TENM2: variants seen among roughly 807,000 people sequenced by gnomAD.
The protein encoded by TENM2 is teneurin transmembrane protein 2, also known as teneurin-2.
A neutral mutation model predicts 245.2 loss-of-function variants in TENM2; 52 were observed. That is an observed-to-expected ratio of 0.21 (90% CI 0.17 to 0.27). The LOEUF is 0.27. Among genes scored for constraint, TENM2 ranks in the 10% least tolerant of loss-of-function variants. The pLI is 1.00. For synonymous variants in TENM2, 1,363 were observed against 1,438.9 expected (o/e 0.95, Z 1.19); for missense variants, 3,046 against 3,666.8 (o/e 0.83, Z 4.37).
intron 5 of TENM2, among the ~76,000 whole-genome samples, chr5:167,998,694 ATT>A (rs1784227522): frequency 6.6e-6 from 1 of 152,120 alleles, no homozygotes; most frequent in South Asian, 2.1e-4. Flanking sequence ...ATATATATAT[ATT>A]AGAAAGTCAC....
chr5:167,452,931 T>TTTTATA (rs1264260420), intron 2 of TENM2, among the ~76,000 whole-genome samples: 17 of 4,882 alleles, frequency 3.5e-3, no homozygotes, highest in African/African-American at 5.8e-3. Flanking sequence ...AAAGTATGAT[T>TTTTATA]TATATATATA....
At chr5:168,101,828 C>T (rs1284021244) in intron 9 of TENM2, among the ~76,000 whole-genome samples, 1 of 135,176 alleles carries the variant, frequency 7.4e-6, no homozygotes, top group Non-Finnish European at 1.6e-5. Flanking sequence ...ACCTTTTAGC[C>T]CTATAGATGT....
chr5:167,416,505 T>C (rs1763173855), intron 2 of TENM2, among the ~76,000 whole-genome samples: 1 of 152,166 alleles, frequency 6.6e-6, no homozygotes, highest in Admixed American at 6.5e-5. Flanking sequence ...TTTGCAACTA[T>C]TTGCAAGATA....
At chr5:167,035,331 C>A in the TENM2 span, among the ~76,000 whole-genome samples, 1 of 152,158 alleles carries the variant, frequency 6.6e-6, no homozygotes, top group Admixed American at 6.5e-5. Context: ...GAGTGATCCT[C>A]GAAATTTCAT....
chr5:167,765,191 T>C (rs1251084827), intron 2 of TENM2, among the ~76,000 whole-genome samples: 16 of 152,180 alleles, frequency 1.1e-4, no homozygotes, highest in Non-Finnish European at 2.9e-5. Context: ...AAAGGGAGGA[T>C]GCATTACCTT....
At chr5:167,093,315 CCTT>C in the TENM2 span, among the ~76,000 whole-genome samples, 2 of 152,144 alleles carry the variant, frequency 1.3e-5, no homozygotes, top group African/African-American at 2.4e-5. Flanking sequence ...CCTTTCTTCT[CCTT>C]CACATATCCA....
chr5:167,865,133 C>T (rs1334832423), intron 2 of TENM2, among the ~76,000 whole-genome samples: 1 of 152,144 alleles, frequency 6.6e-6, no homozygotes, highest in East Asian at 1.9e-4. Flanking sequence ...AGACAGACAA[C>T]TCAGTAAGTG....
chr5:167,854,613 GA>G (rs1770898326), intron 2 of TENM2, among the ~76,000 whole-genome samples: 1 of 152,190 alleles, frequency 6.6e-6, no homozygotes, highest in Admixed American at 6.5e-5. Context: ...ATCTGTCTGA[GA>G]AGAGTTTTCT....
the TENM2 span, among the ~76,000 whole-genome samples, chr5:167,168,571 C>T: frequency 1.3e-5 from 2 of 152,156 alleles, no homozygotes; most frequent in Non-Finnish European, 2.9e-5. Context: ...AATTGTTCAA[C>T]AGAATTCAAT....
the TENM2 span, among the ~76,000 whole-genome samples, chr5:166,981,212 T>G: frequency 6.6e-6 from 1 of 152,218 alleles, no homozygotes; most frequent in African/African-American, 2.4e-5. Flanking sequence ...ATTTCTTCCT[T>G]TGTAGTCTGC....
At chr5:167,828,178 A>G (rs910335459) in intron 2 of TENM2, among the ~76,000 whole-genome samples, 1 of 152,218 alleles carries the variant, frequency 6.6e-6, no homozygotes, top group East Asian at 1.9e-4. Context: ...AGATGAGGAA[A>G]AGAAGTCAGT....
At chr5:167,455,715 T>C (rs909421196) in intron 2 of TENM2, among the ~76,000 whole-genome samples, 3 of 152,180 alleles carry the variant, frequency 2.0e-5, no homozygotes, top group Non-Finnish European at 2.9e-5. Flanking sequence ...CCAATTCTCC[T>C]TGGGTTTATA....
chr5:167,983,100 C>T (rs1249144304), intron 4 of TENM2, among the ~76,000 whole-genome samples: 1 of 150,258 alleles, frequency 6.7e-6, no homozygotes. Flanking sequence ...CTTTGTTTTT[C>T]TTCCCCTACT....
At chr5:167,741,052 A>C (rs1462366242) in intron 2 of TENM2, among the ~76,000 whole-genome samples, 1 of 152,248 alleles carries the variant, frequency 6.6e-6, no homozygotes, top group East Asian at 1.9e-4. Context: ...CTTTCCCTAT[A>C]GCTGCGTCTT....
chr5:167,215,290 G>A, the TENM2 span, among the ~76,000 whole-genome samples: 1 of 152,174 alleles, frequency 6.6e-6, no homozygotes, highest in Non-Finnish European at 1.5e-5. Flanking sequence ...GAATTAATTG[G>A]TGTGGGGCAG....
chr5:167,475,950 A>G lies in TENM2; in HGVS notation c.502+100477A>G, dbSNP rs116683752. Among the ~76,000 whole-genome samples the G allele has an allele frequency of 9.8e-3, 1,486 of 152,300 alleles. 25 individuals are homozygous for G. The highest frequency in any genetic ancestry group is 0.033 in the African/African-American group (1,384 of 41,566). ...TCTTTGTATTGTAAATAGTGCTGAA[A>G]AAAAATACATGTACATGCGTCTTTA... On this transcript the variant is annotated intron_variant, in intron 2 of 28. Coordinates refer to ENST00000518659, the Ensembl canonical transcript of TENM2.
chr5:167,732,500 ATAAG>A (rs1760507709), intron 2 of TENM2, among the ~76,000 whole-genome samples: 3 of 152,172 alleles, frequency 2.0e-5, no homozygotes, highest in Non-Finnish European at 2.9e-5. Context: ...TTAAAAGATG[ATAAG>A]TATGTTTTTT....
chr5:168,122,200 G>A (rs767952910), intron 10 of TENM2, among the ~76,000 whole-genome samples: 25 of 152,028 alleles, frequency 1.6e-4, no homozygotes, highest in Admixed American at 3.3e-4. Flanking sequence ...TTTTTGAGAC[G>A]GAGTCTCGCT....
chr5:167,648,321 A>G (rs933041267), intron 2 of TENM2, among the ~76,000 whole-genome samples: 2 of 152,262 alleles, frequency 1.3e-5, no homozygotes, highest in African/African-American at 4.8e-5. Flanking sequence ...GTATACACAC[A>G]GAAAACATAT....
Sources: allele counts gnomAD v4.1 joint callset (sites outside exome capture counted in the v4.1 genomes callset), GRCh38; gene constraint gnomAD v4.1.1; transcripts MANE v1.5; gene names NCBI Gene and HGNC (gene_info 2026-07-23, HGNC 2026-07-21).